BTBD3: variants seen among roughly 807,000 people sequenced by gnomAD.
BTBD3 encodes BTB/POZ domain-containing protein 3.
BTBD3 carries 14 observed loss-of-function variants against 41.6 expected under a neutral mutation model. That is an observed-to-expected ratio of 0.34 (90% CI 0.22 to 0.53). BTBD3 has a LOEUF of 0.53. BTBD3 is among the 20% of genes least tolerant of loss of function. BTBD3 has a pLI of 0.95. For missense variants in BTBD3, 426 were observed against 654.7 expected, an observed-to-expected ratio of 0.65 and a Z score of 3.81; for synonymous variants, 249 against 233.7, an observed-to-expected ratio of 1.07 and a Z score of -0.60.
At chr20:11,908,321 GTTTTTT>G (rs3834758) in intron 1 of BTBD3, among the ~76,000 whole-genome samples, 19 of 77,074 alleles carry the variant, frequency 2.5e-4, no homozygotes, top group African/African-American at 9.2e-4. Context: ...CTTCTCTGTG[GTTTTTT>G]TTTTTTTTTT....
chr20:11,916,133 G>A (rs2056916488), upstream of BTBD3, among the ~76,000 whole-genome samples: 1 of 152,074 alleles, frequency 6.6e-6, no homozygotes, highest in South Asian at 2.1e-4. Context: ...CTTCTGACCT[G>A]AAAAGCCAGA....
intron 1 of BTBD3, among the ~76,000 whole-genome samples, chr20:11,907,838 A>G (rs1442056624): frequency 6.6e-6 from 1 of 152,126 alleles, no homozygotes. Context: ...CTAATTGGGA[A>G]TTGAGCCAGG....
chr20:11,895,648 C>G (rs965799018), intron 1 of BTBD3, among the ~76,000 whole-genome samples: 1 of 152,162 alleles, frequency 6.6e-6, no homozygotes, highest in Non-Finnish European at 1.5e-5. Context: ...TACAGACTTA[C>G]CTGTTTACCT....
At chr20:11,906,748 C>T (rs527273590) in intron 1 of BTBD3, among the ~76,000 whole-genome samples, 3 of 152,246 alleles carry the variant, frequency 2.0e-5, no homozygotes, top group South Asian at 2.1e-4. Context: ...AATGAGACAT[C>T]GCCCATCTTA....
intron 1 of BTBD3, among the ~76,000 whole-genome samples, chr20:11,912,863 A>G (rs1285197502): frequency 6.6e-6 from 1 of 152,196 alleles, no homozygotes; most frequent in Non-Finnish European, 1.5e-5. Flanking sequence ...CTATGCTTCC[A>G]GCGCTTGACT....
At chr20:11,891,853 C>T (rs899524132) in intron 1 of BTBD3, among the ~76,000 whole-genome samples, 3 of 151,974 alleles carry the variant, frequency 2.0e-5, no homozygotes, top group African/African-American at 7.3e-5. Context: ...TTTAAATATT[C>T]CCCGCCACCT....
chr20:11,902,676 C>T lies in BTBD3; in HGVS notation c.-126+11722C>T, dbSNP rs189878869. Among the ~76,000 whole-genome samples the T allele has an allele frequency of 4.6e-5, 7 of 152,304 alleles. No individual in the cohort carries two copies. The East Asian group carries it at 1.4e-3, about 29-fold the overall frequency. Reference sequence around the variant, plus strand: ...ACAGGAGATGGCTATGAAATTATTACAGTAGAATAGTATGTACTACAGTTA... The same window carrying T: ...ACAGGAGATGGCTATGAAATTATTATAGTAGAATAGTATGTACTACAGTTA... On this transcript the variant is annotated intron_variant, in intron 1 of 4. Coordinates refer to the BTBD3 transcript ENST00000254977.
intron 1 of BTBD3, among the ~76,000 whole-genome samples, chr20:11,906,157 G>A (rs188693501): frequency 1.3e-5 from 2 of 149,966 alleles, no homozygotes; most frequent in Non-Finnish European, 3.0e-5. Context: ...GGTGGTAAAG[G>A]TTCCATAAAC....
intron 1 of BTBD3, among the ~76,000 whole-genome samples, chr20:11,905,715 A>G (rs1338313657): frequency 6.6e-6 from 1 of 152,180 alleles, no homozygotes; most frequent in Non-Finnish European, 1.5e-5. Context: ...AGCAGCATCA[A>G]TAGTAATAAA....
chr20:11,897,349 C>T (rs2056793208), intron 1 of BTBD3, among the ~76,000 whole-genome samples: 1 of 152,150 alleles, frequency 6.6e-6, no homozygotes. Flanking sequence ...TCTTTCTCTG[C>T]AAACCTGCTC....
intron 1 of BTBD3, among the ~76,000 whole-genome samples, chr20:11,899,571 T>A (rs2056811499): frequency 6.6e-6 from 1 of 152,074 alleles, no homozygotes. Context: ...TCTAATTGTA[T>A]TTTATTTTTA....
rs148640954 is a variant in BTBD3, at chr20:11,923,484, C to A, written c.1387C>A (p.Pro463Thr). 31 of 1,613,764 alleles carry A rather than the reference C, an allele frequency of 1.9e-5. No individual in the cohort carries two copies. Among genetic ancestry groups the A allele is most frequent in the Non-Finnish European group, 2.6e-5 (31 of 1,179,974 alleles). ...VWFEYPVQIE[P>T]DTFYTASVIL... ...GTTTGAATACCCAGTGCAGATCGAGCCAGACACCTTCTACACAGCCAGTGT... is the reference window on the plus strand; with the variant it reads ...GTTTGAATACCCAGTGCAGATCGAGACAGACACCTTCTACACAGCCAGTGT... The change falls in exon 4 of 4, where the codon CCA becomes ACA. Residue 463 changes from proline to threonine, a missense_variant. By Grantham distance (38) the Pro-to-Thr change is conservative. Coordinates refer to ENST00000378226, the MANE Select transcript of BTBD3 (RefSeq NM_014962.4). The surrounding 1 kb of genome is among the most constrained non-coding windows in gnomAD (Gnocchi z 5.3).
Position 11,923,711 on chromosome 20 carries a change from G to A in BTBD3, c.*45G>A. On this transcript the variant is annotated 3_prime_UTR_variant, in exon 4 of 4. Coordinates refer to ENST00000378226, the MANE Select transcript of BTBD3 (RefSeq NM_014962.4). This position sits in a 1 kb window ranked among gnomAD's most constrained non-coding sequence, Gnocchi z 5.3. Reference sequence around the variant, plus strand: ...GCTTGAGCTCCAAAGTGCACATCTGGTTCCAACTTGCCTGATGCTTAGCTC... The same window carrying A: ...GCTTGAGCTCCAAAGTGCACATCTGATTCCAACTTGCCTGATGCTTAGCTC... 6.5e-7 allele frequency: 1 copy of A among 1,531,324 alleles called. No homozygotes were observed. The allele number at this position is 1,531,324 out of a possible 1,614,324, so 94.9% of individuals were successfully genotyped here.
At chr20:11,894,825 A>C (rs2056777102) in intron 1 of BTBD3, among the ~76,000 whole-genome samples, 1 of 152,102 alleles carries the variant, frequency 6.6e-6, no homozygotes, top group Non-Finnish European at 1.5e-5. Context: ...AACTCAGGAG[A>C]AGCAGTAAGC....
At chr20:11,897,310 C>T (rs947767426) in intron 1 of BTBD3, among the ~76,000 whole-genome samples, 1 of 152,078 alleles carries the variant, frequency 6.6e-6, no homozygotes, top group Non-Finnish European at 1.5e-5. Context: ...GACGCTTCAG[C>T]CTAAATATGG....
At chr20:11,917,113 G>A (rs1473457226), upstream of BTBD3, among the ~76,000 whole-genome samples, 1 of 152,180 alleles carries the variant, frequency 6.6e-6, no homozygotes, top group Non-Finnish European at 1.5e-5. Context: ...ACTAAATGTA[G>A]CCTTAACAGT....
chr20:11,909,038 AGGAGTTCGGGTGGATCACATGAGGTCG>A (rs1411901798), intron 1 of BTBD3, among the ~76,000 whole-genome samples: 3 of 152,004 alleles, frequency 2.0e-5, no homozygotes, highest in East Asian at 1.9e-4. Context: ...ACATGAGGTC[AGGAGTTCGGGTGGATCACATGAGGTCG>A]GGAGTTTGAG....
At chr20:11,899,752 C>T (rs1186935391) in intron 1 of BTBD3, among the ~76,000 whole-genome samples, 2 of 152,146 alleles carry the variant, frequency 1.3e-5, no homozygotes, top group Non-Finnish European at 2.9e-5. Context: ...GACTCACTTT[C>T]CTCCTCTTTC....
rs2056978949 is a variant in BTBD3 at position 11,922,491 on chromosome 20, G to A, written c.537-143G>A. The A allele has an allele frequency of 9.3e-6, 6 of 648,154 alleles. No individual in the cohort carries two copies. In the East Asian group the frequency reaches 1.4e-4, roughly 15 times the overall value. 40.2% of individuals were successfully genotyped at this position (648,154 alleles called of 1,614,324 possible). A position where few individuals can be genotyped will look rare whatever the true frequency, so the allele number is the denominator to read the frequency against. ...AATAATTTATTAATATGTTTCGAAT[G>A]TTCCTTTACTCTGCAAATATGTTTG... On this transcript the variant is annotated intron_variant, in intron 3 of 3. Coordinates refer to ENST00000378226, the MANE Select transcript of BTBD3 (RefSeq NM_014962.4).
Sources: gnomAD v4.1 joint callset for allele counts (sites outside exome capture counted in the v4.1 genomes callset) on GRCh38, gnomAD v4.1.1 for gene constraint, Gnocchi (gnomAD v3.1) non-coding constraint, MANE v1.5 for transcripts, NCBI Gene and HGNC (gene_info 2026-07-23, HGNC 2026-07-21) for gene names.